The following EEFSEC variants were observed in gnomAD, a reference collection of about 807,000 sequenced individuals.
EEFSEC encodes selenocysteine-specific elongation factor.
A neutral mutation model predicts 42.1 loss-of-function variants in EEFSEC; 43 were observed. The observed-to-expected ratio is 1.02, with a 90% confidence interval of 0.80 to 1.32. The LOEUF (loss-of-function observed/expected upper bound fraction) is 1.32, where lower values mean the gene tolerates loss of function less well. Among genes scored for constraint, EEFSEC ranks in the 40% most tolerant of loss-of-function variants. The pLI is 0.00. For missense variants in EEFSEC, 745 were observed against 803.6 expected (o/e 0.93, Z 0.88); for synonymous variants, 354 against 339.1 (o/e 1.04, Z -0.48).
Position 128,408,486 on chromosome 3 carries a change from G to T in EEFSEC, c.*227G>T. 1 of 417,032 alleles carries T rather than the reference G, an allele frequency of 2.4e-6. No individual in the cohort carries two copies. The allele number at this position is 417,032 out of a possible 1,614,324, so 25.8% of individuals were successfully genotyped here. ...CCCCTGCACACTCCCACCCAGGACA[G>T]CCCCCAGCCCAACTAGGAAAGGGCC... On this transcript the variant is annotated 3_prime_UTR_variant, in exon 7 of 7. Coordinates refer to ENST00000254730, the MANE Select transcript of EEFSEC (RefSeq NM_021937.5).
At chr3:128,255,934 C>T (rs1559888916) in intron 2 of EEFSEC, among the ~76,000 whole-genome samples, 1 of 152,018 alleles carries the variant, frequency 6.6e-6, no homozygotes, top group East Asian at 1.9e-4. Flanking sequence ...CTTCAGGTGC[C>T]TCTTCTTGGG....
chr3:128,355,893 G>C (rs1027291237), intron 5 of EEFSEC, among the ~76,000 whole-genome samples: 6 of 152,248 alleles, frequency 3.9e-5, no homozygotes, highest in African/African-American at 1.4e-4. Flanking sequence ...AGATTGGAGA[G>C]GAGTAGGGGC....
At chr3:128,380,025 A>G (rs207463703) in intron 6 of EEFSEC, among the ~76,000 whole-genome samples, 1 of 152,210 alleles carries the variant, frequency 6.6e-6, no homozygotes, top group Non-Finnish European at 1.5e-5. Flanking sequence ...CATGTAAGGT[A>G]TAGGGAGCAA....
At chr3:128,328,626 G>A (rs376125634) in intron 4 of EEFSEC, among the ~76,000 whole-genome samples, 13 of 152,302 alleles carry the variant, frequency 8.5e-5, no homozygotes, top group East Asian at 7.7e-4. Flanking sequence ...TCAGTTCTTA[G>A]GGTCACCACT....
intron 6 of EEFSEC, among the ~76,000 whole-genome samples, chr3:128,358,773 C>G (rs1216316215): frequency 6.6e-6 from 1 of 152,136 alleles, no homozygotes; most frequent in Non-Finnish European, 1.5e-5. Flanking sequence ...GTAAGGTTTC[C>G]AGGGATGTGA....
chr3:128,422,635 C>T, the EEFSEC span, among the ~76,000 whole-genome samples: 1 of 152,242 alleles, frequency 6.6e-6, no homozygotes, highest in African/African-American at 2.4e-5. Flanking sequence ...TTTATTGATC[C>T]CCTTGACCAA....
At chr3:128,339,136 T>C (rs1268392284) in intron 4 of EEFSEC, among the ~76,000 whole-genome samples, 1 of 152,214 alleles carries the variant, frequency 6.6e-6, no homozygotes, top group Non-Finnish European at 1.5e-5. Flanking sequence ...TTTCAGACCA[T>C]TTCAGAGATG....
At chr3:128,286,704 C>T (rs1284650577) in intron 4 of EEFSEC, among the ~76,000 whole-genome samples, 3 of 152,218 alleles carry the variant, frequency 2.0e-5, no homozygotes, top group Admixed American at 2.0e-4. Context: ...CTGACACCTT[C>T]TATAGGAGAA....
intron 4 of EEFSEC, among the ~76,000 whole-genome samples, chr3:128,315,991 T>G (rs2066940683): frequency 6.6e-6 from 1 of 152,240 alleles, no homozygotes. Flanking sequence ...TATTAAATGT[T>G]TTCTTAATTA....
At chr3:128,385,778 T>C (rs2067831507) in intron 6 of EEFSEC, among the ~76,000 whole-genome samples, 1 of 152,120 alleles carries the variant, frequency 6.6e-6, no homozygotes, top group Non-Finnish European at 1.5e-5. Flanking sequence ...CTCCCTAGCC[T>C]GAATCTGGGC....
At chr3:128,364,060 G>A (rs2067559920) in intron 6 of EEFSEC, among the ~76,000 whole-genome samples, 1 of 152,192 alleles carries the variant, frequency 6.6e-6, no homozygotes, top group Non-Finnish European at 1.5e-5. Flanking sequence ...CACTCTGGGA[G>A]GCCGAGGCAA....
intron 5 of EEFSEC, among the ~76,000 whole-genome samples, chr3:128,346,752 G>A (rs911036447): frequency 1.3e-5 from 2 of 152,158 alleles, no homozygotes; most frequent in Non-Finnish European, 2.9e-5. Context: ...ACTCAACTCT[G>A]CCACTGTGAC....
chr3:128,168,680 C>A (rs2065265329), intron 1 of EEFSEC, among the ~76,000 whole-genome samples: 1 of 152,220 alleles, frequency 6.6e-6, no homozygotes, highest in Admixed American at 6.5e-5. Flanking sequence ...CAGTCATAGG[C>A]CCCCTGGGGC....
intron 4 of EEFSEC, among the ~76,000 whole-genome samples, chr3:128,267,804 G>A (rs1478015541): frequency 6.6e-6 from 1 of 152,204 alleles, no homozygotes; most frequent in Non-Finnish European, 1.5e-5. Context: ...AATAGAGATG[G>A]ACTTCTATAG....
intron 1 of EEFSEC, among the ~76,000 whole-genome samples, chr3:128,206,461 G>A (rs2107825097): frequency 6.6e-6 from 1 of 152,264 alleles, no homozygotes; most frequent in South Asian, 2.1e-4. Context: ...GATTAACTTG[G>A]CTTGGAGCAA....
At chr3:128,364,683 T>C (rs2067567625) in intron 6 of EEFSEC, among the ~76,000 whole-genome samples, 1 of 152,166 alleles carries the variant, frequency 6.6e-6, no homozygotes, top group Non-Finnish European at 1.5e-5. Context: ...CTGCCAGTGC[T>C]CAAGCCACTC....
chr3:128,173,182 A>C (rs1487824521), intron 1 of EEFSEC, among the ~76,000 whole-genome samples: 1 of 152,220 alleles, frequency 6.6e-6, no homozygotes, highest in Non-Finnish European at 1.5e-5. Context: ...GAAGGCTTTC[A>C]AAAGAGGCCC....
intron 4 of EEFSEC, among the ~76,000 whole-genome samples, chr3:128,274,026 C>A (rs2066441614): frequency 6.6e-6 from 1 of 152,232 alleles, no homozygotes; most frequent in African/African-American, 2.4e-5. Context: ...CCAGCCCAAC[C>A]AGGCTCCTCA....
chr3:128,297,212 C>CCCGGTCCCCCAT, intron 4 of EEFSEC, among the ~76,000 whole-genome samples: 1 of 152,000 alleles, frequency 6.6e-6, no homozygotes, highest in East Asian at 1.9e-4. Flanking sequence ...AACTGAAGGC[C>CCCGGTCCCCCAT]CCGGTCCCCC....
Sources: gnomAD v4.1 joint callset for allele counts (sites outside exome capture counted in the v4.1 genomes callset) on GRCh38, gnomAD v4.1.1 for gene constraint, MANE v1.5 for transcripts, NCBI Gene and HGNC (gene_info 2026-07-23, HGNC 2026-07-21) for gene names.